The following PLXNA2 variants were observed in gnomAD, a reference collection of about 807,000 sequenced individuals.
PLXNA2 encodes plexin A2.
PLXNA2 carries 91 observed loss-of-function variants against 193.5 expected under a neutral mutation model. That is an observed-to-expected ratio of 0.47 (90% CI 0.40 to 0.56). The LOEUF (loss-of-function observed/expected upper bound fraction) is 0.56, where lower values mean the gene tolerates loss of function less well. Ranked by LOEUF, PLXNA2 falls within the 20% of genes least tolerant of loss-of-function variation. PLXNA2 has a pLI of 0.00. For missense variants in PLXNA2, 1,995 were observed against 2,503.2 expected (o/e 0.80, Z 4.33); for synonymous variants, 997 against 1,027.3 (o/e 0.97, Z 0.56).
intron 2 of PLXNA2, among the ~76,000 whole-genome samples, chr1:208,213,694 T>A (rs1391386703): frequency 1.3e-5 from 2 of 152,216 alleles, no homozygotes; most frequent in Non-Finnish European, 2.9e-5. Context: ...TCATTTATCC[T>A]TATTCCCCTC....
intron 3 of PLXNA2, among the ~76,000 whole-genome samples, chr1:208,199,370 C>T (rs990669630): frequency 1.3e-4 from 20 of 152,130 alleles, no homozygotes; most frequent in Admixed American, 1.2e-3. Context: ...CTAGAGAGGC[C>T]GAGGTCAGTC....
intron 17 of PLXNA2, among the ~76,000 whole-genome samples, chr1:208,047,670 G>A (rs1008201262): frequency 6.6e-6 from 1 of 152,222 alleles, no homozygotes; most frequent in Non-Finnish European, 1.5e-5. Context: ...ACACTGTCCT[G>A]GCAGGTCCAC....
intron 9 of PLXNA2, among the ~76,000 whole-genome samples, chr1:208,086,639 G>A (rs1007829172): frequency 1.3e-5 from 2 of 151,962 alleles, no homozygotes; most frequent in Admixed American, 6.6e-5. Flanking sequence ...CGGCATCCAC[G>A]AGAGAGAATC....
At chr1:208,041,225 C>A (rs1489982828) in intron 22 of PLXNA2, among the ~76,000 whole-genome samples, 2 of 152,190 alleles carry the variant, frequency 1.3e-5, no homozygotes, top group Non-Finnish European at 2.9e-5. Flanking sequence ...CCTCCTCACC[C>A]CACGTGGGGC....
chr1:208,099,178 C>T (rs1667012889), intron 5 of PLXNA2, among the ~76,000 whole-genome samples: 1 of 152,174 alleles, frequency 6.6e-6, no homozygotes, highest in Admixed American at 6.5e-5. Flanking sequence ...AGGATTAATC[C>T]CCAACATGAG....
At position 208,168,723 on chromosome 1, in the gene PLXNA2, G is replaced by GTTT. The variant is rs751893998; in HGVS notation, c.1372-26261_1372-26260insAAA. 2.4e-3 allele frequency among the ~76,000 whole-genome samples: 242 copies of GTTT among 102,214 alleles called. 35 individuals carry two copies. The highest frequency in any genetic ancestry group is 5.2e-3 in the African/African-American group (148 of 28,264). The allele number at this position is 102,214 out of a possible 152,430, so 67.1% of individuals were successfully genotyped here. Reference sequence around the variant, plus strand: ...CAAAAAGAAGACAAAGAGTATGCGGGGTTTTTTTTTTTTTTTTTTTTTTTT... The same window carrying GTTT: ...CAAAAAGAAGACAAAGAGTATGCGGGTTTGTTTTTTTTTTTTTTTTTTTTTTTT... On this transcript the variant is annotated intron_variant, in intron 3 of 31. Coordinates refer to ENST00000367033, the MANE Select transcript of PLXNA2 (RefSeq NM_025179.4).
intron 1 of PLXNA2, among the ~76,000 whole-genome samples, chr1:208,220,535 C>T (rs965972164): frequency 2.0e-5 from 3 of 151,898 alleles, no homozygotes; most frequent in East Asian, 1.9e-4. Context: ...CTGGTTCAAG[C>T]GATTCTGCTG....
chr1:208,033,533 GGCTGTGAGTAACA>G, intron 27 of PLXNA2, 24 bp from the exon 28 acceptor site: 2 of 1,570,560 alleles, frequency 1.3e-6, no homozygotes, highest in Non-Finnish European at 1.7e-6. Context: ...GTTGGTGGAG[GGCTGTGAGTAACA>G]GTCACCAGCC....
chr1:208,045,250 T>G, intron 18 of PLXNA2, 40 bp from the exon 19 acceptor site: 1 of 1,596,492 alleles, frequency 6.3e-7, no homozygotes, highest in East Asian at 2.2e-5. Flanking sequence ...AATTGACACA[T>G]GCACGCACAA....
At position 208,063,399 on chromosome 1, in the gene PLXNA2, T is replaced by G. The variant is rs188679589; in HGVS notation, c.2587-2562A>C. 3.1e-3 allele frequency among the ~76,000 whole-genome samples: 467 copies of G among 152,358 alleles called. 2 individuals carry two copies. Among genetic ancestry groups the G allele is most frequent in the Admixed American group, 5.9e-3 (91 of 15,302 alleles). ...ACTGGGGTGCTGTAGGGTCTATTTG[T>G]TAGCACAGAGCTGCTCAGAGGCATA... On this transcript the variant is annotated intron_variant, in intron 12 of 31. Transcript: ENST00000367033.
At chr1:208,147,147 A>C (rs1379360758) in intron 3 of PLXNA2, among the ~76,000 whole-genome samples, 1 of 152,108 alleles carries the variant, frequency 6.6e-6, no homozygotes, top group Non-Finnish European at 1.5e-5. Context: ...TCAGCCACCC[A>C]AGTAGCTGGG....
chr1:208,119,375 G>A (rs183082645), intron 4 of PLXNA2, among the ~76,000 whole-genome samples: 42 of 152,286 alleles, frequency 2.8e-4, no homozygotes, highest in Middle Eastern at 6.8e-3. Flanking sequence ...TGCTCTGTCC[G>A]CAAACAGGCC....
chr1:208,052,679 T>C (rs1481192470), intron 14 of PLXNA2, among the ~76,000 whole-genome samples: 1 of 152,088 alleles, frequency 6.6e-6, no homozygotes, highest in Non-Finnish European at 1.5e-5. Context: ...AAGAGTCATG[T>C]GGGGTGAAAT....
intron 3 of PLXNA2, among the ~76,000 whole-genome samples, chr1:208,148,897 A>G (rs1182361978): frequency 6.6e-6 from 1 of 152,216 alleles, no homozygotes; most frequent in African/African-American, 2.4e-5. Flanking sequence ...CGTACAGTGT[A>G]ATATAAATAT....
chr1:208,052,198 T>C, intron 15 of PLXNA2, 129 bp downstream of exon 15: 1 of 852,228 alleles, frequency 1.2e-6, no homozygotes, highest in Non-Finnish European at 1.8e-6. Flanking sequence ...CGGTATGGTA[T>C]TTGGGTCTAG....
chr1:208,225,453 A>C (rs1174483123), intron 1 of PLXNA2, among the ~76,000 whole-genome samples: 3 of 152,030 alleles, frequency 2.0e-5, no homozygotes. Context: ...GTGGGGCCAC[A>C]GGCACCTGTC....
intron 4 of PLXNA2, among the ~76,000 whole-genome samples, chr1:208,123,463 C>A (rs150719922): frequency 1.3e-5 from 2 of 152,072 alleles, no homozygotes; most frequent in African/African-American, 2.4e-5. Flanking sequence ...ATGATGTTTT[C>A]GAGTGTGGGC....
intron 4 of PLXNA2, among the ~76,000 whole-genome samples, chr1:208,130,588 A>G (rs1668116300): frequency 6.6e-6 from 1 of 152,146 alleles, no homozygotes; most frequent in Non-Finnish European, 1.5e-5. Flanking sequence ...TCATTGCCGC[A>G]AGGGGCATTC....
At chr1:208,148,913 TG>T (rs1668675157) in intron 3 of PLXNA2, among the ~76,000 whole-genome samples, 1 of 152,184 alleles carries the variant, frequency 6.6e-6, no homozygotes, top group Non-Finnish European at 1.5e-5. Context: ...AATATAAAGC[TG>T]TTCTTGTTAT....
Sources: gnomAD v4.1 joint callset for allele counts (sites outside exome capture counted in the v4.1 genomes callset) on GRCh38, gnomAD v4.1.1 for gene constraint, MANE v1.5 for transcripts, NCBI Gene and HGNC (gene_info 2026-07-23, HGNC 2026-07-21) for gene names.